HSPH1: variants seen among roughly 807,000 people sequenced by gnomAD.
HSPH1 encodes the protein heat shock protein 105 kDa.
A neutral mutation model predicts 100.0 loss-of-function variants in HSPH1; 40 were observed. That is an observed-to-expected ratio of 0.40 (90% CI 0.31 to 0.52). The LOEUF (loss-of-function observed/expected upper bound fraction) is 0.52, where lower values mean the gene tolerates loss of function less well. Among genes scored for constraint, HSPH1 ranks in the 20% least tolerant of loss-of-function variants. The probability of loss-of-function intolerance (pLI) is 0.54; values close to 1 mark genes in which losing one functional copy is unlikely to be tolerated. For missense variants in HSPH1, 876 were observed against 1,015.1 expected (o/e 0.86, Z 1.86); for synonymous variants, 403 against 344.0 (o/e 1.17, Z -1.90).
Position 31,161,457 on chromosome 13 carries a change from C to G in HSPH1, c.107+19G>C. On this transcript the variant is annotated intron_variant, in intron 1 of 17. Transcript: ENST00000320027. ...GGCCCAGAACCTCCTCCCATCCACC[C>G]TCGCAGACTCCCACTTACGGGGTGC... The G allele has an allele frequency of 6.2e-7, 1 of 1,613,766 alleles. No individual in the cohort carries two copies. Among genetic ancestry groups the G allele is most frequent in the African/African-American group, 1.3e-5 (1 of 75,044 alleles).
chr13:31,141,522 G>A (rs192257128), intron 12 of HSPH1, among the ~76,000 whole-genome samples: 150 of 151,884 alleles, frequency 9.9e-4, no homozygotes, highest in African/African-American at 3.4e-3. Flanking sequence ...GCTTTTCTTC[G>A]CAAGTCTTTA....
rs748889774 is a variant in HSPH1, at chr13:31,148,464, G to A, written c.1154C>T (p.Pro385Leu). The A allele has an allele frequency of 3.9e-6, 6 of 1,534,410 alleles. No homozygotes were observed. Among genetic ancestry groups the A allele is most frequent in the East Asian group, 4.8e-5 (2 of 41,810 alleles). ...GCALQCAILS[P>L]AFKVREFSVT... ...GGAAAATTCTCTAACTTTAAATGCC[G>A]GGGAAAGTATTGCACACTTAAAAAA... The change falls in exon 9 of 18, where the codon CCG becomes CTG. Residue 385 changes from proline to leucine, a missense_variant. Coordinates refer to ENST00000320027, the MANE Select transcript of HSPH1 (RefSeq NM_006644.4).
chr13:31,159,681 G>C (rs999039973), intron 1 of HSPH1, among the ~76,000 whole-genome samples: 14 of 152,158 alleles, frequency 9.2e-5, no homozygotes, highest in African/African-American at 3.1e-4. Context: ...TCTAATTTTG[G>C]GTGAGTTACT....
chr13:31,162,162 A>C (rs761728794), upstream of HSPH1: 1 of 1,413,454 alleles, frequency 7.1e-7, no homozygotes, highest in South Asian at 1.2e-5. Flanking sequence ...CCCTAGCCAC[A>C]GGCGTTTTGC....
rs1285272963 is a variant in HSPH1, at chr13:31,155,527, C to T, written c.293G>A (p.Gly98Glu). ...CAATTATATTACCTTTATTCCAACT[C>T]CACCATTTTTCAATGGAACCAAATC... The part of the protein sequence containing the change: ...SYDLVPLKNG[G>E]VGIKVMYMGE... Residue 98 changes from glycine to glutamate, a missense_variant, in exon 3 of 18, where the codon GGA becomes GAA. By Grantham distance (98) the Gly-to-Glu change is moderately conservative. Transcript: ENST00000320027. 2 of 1,609,780 alleles carry T rather than the reference C, an allele frequency of 1.2e-6. No homozygotes were observed. The highest frequency in any genetic ancestry group is 1.3e-5 in the African/African-American group (1 of 74,754).
At position 31,139,094 on chromosome 13, in the gene HSPH1, A is replaced by T. The variant is rs1259199205; in HGVS notation, c.1994T>A (p.Phe665Tyr). The change falls in exon 15 of 18, where the codon TTT becomes TAT. Residue 665 changes from phenylalanine (F) to tyrosine (Y), a missense_variant. Phe to Tyr is a conservative substitution (Grantham distance 22). Transcript: ENST00000320027. ...KFICEQDHQN[F>Y]LRLLTETEDW... ...TTCAGTTTCTGTGAGGAGTCTCAAAAAATTTTGATGATCCTTAACACAAAA... is the reference window on the plus strand; with the variant it reads ...TTCAGTTTCTGTGAGGAGTCTCAAATAATTTTGATGATCCTTAACACAAAA... 1 of 1,608,018 alleles carries T rather than the reference A, an allele frequency of 6.2e-7. No individual in the cohort carries two copies. The highest frequency in any genetic ancestry group is 8.5e-7 in the Non-Finnish European group (1 of 1,174,700).
chr13:31,140,908 A>T, intron 13 of HSPH1: 1 of 365,292 alleles, frequency 2.7e-6, no homozygotes, highest in Non-Finnish European at 4.8e-6. Context: ...TTTTCACAAG[A>T]ACTCAGCCAA....
intron 11 of HSPH1, 45 bp from the exon 12 acceptor site, chr13:31,143,968 C>A (rs903942090): frequency 6.8e-7 from 1 of 1,468,912 alleles, no homozygotes; most frequent in Admixed American, 2.4e-5. Context: ...AGCAGGTGTA[C>A]TTGTATAAAT....
chr13:31,154,839 T>C, intron 3 of HSPH1, 84 bp from the exon 4 acceptor site: 6 of 1,114,690 alleles, frequency 5.4e-6, no homozygotes, highest in Non-Finnish European at 6.4e-6. Flanking sequence ...TTAGCACACA[T>C]TCCCTTCCAC....
intron 12 of HSPH1, among the ~76,000 whole-genome samples, chr13:31,141,533 C>A (rs1181176280): frequency 1.3e-5 from 2 of 151,976 alleles, no homozygotes; most frequent in African/African-American, 4.8e-5. Flanking sequence ...CAAGTCTTTA[C>A]TTTCTAAGCC....
At chr13:31,150,269 C>T in intron 7 of HSPH1, 87 bp from the exon 8 acceptor site, 1 of 928,862 alleles carries the variant, frequency 1.1e-6, no homozygotes, top group Admixed American at 2.5e-5. Context: ...ATTATTTTCC[C>T]CCTCAGACAC....
At chr13:31,157,193 T>C (rs1168017135) in intron 2 of HSPH1, among the ~76,000 whole-genome samples, 1 of 152,224 alleles carries the variant, frequency 6.6e-6, no homozygotes, top group Non-Finnish European at 1.5e-5. Context: ...AGTAGTATAC[T>C]GGCCAAATAT....
intron 2 of HSPH1, 96 bp downstream of exon 2, chr13:31,158,710 A>G (rs1316430651): frequency 1.3e-6 from 1 of 766,386 alleles, no homozygotes; most frequent in Non-Finnish European, 2.3e-6. Flanking sequence ...AAATACATAA[A>G]CTTAGGCACA....
At position 31,141,106 on chromosome 13, in the gene HSPH1, T is replaced by C; in HGVS notation, c.1854+16A>G. On this transcript the variant is annotated intron_variant, in intron 13 of 17. Coordinates refer to ENST00000320027, the MANE Select transcript of HSPH1 (RefSeq NM_006644.4). ...AAACATATTTCAAAATAAAAATATTTAATTGAAGTACTTACCTCTGTCTCA... is the reference window on the plus strand; with the variant it reads ...AAACATATTTCAAAATAAAAATATTCAATTGAAGTACTTACCTCTGTCTCA... 1 of 1,462,374 alleles carries C rather than the reference T, an allele frequency of 6.8e-7. No homozygotes were observed. Among genetic ancestry groups the C allele is most frequent in the Non-Finnish European group, 9.2e-7 (1 of 1,083,626 alleles). The allele number at this position is 1,462,374 out of a possible 1,614,324, so 90.6% of individuals were successfully genotyped here.
intron 5 of HSPH1, 35 bp downstream of exon 5, chr13:31,152,817 G>A (rs1285548309): frequency 4.6e-6 from 6 of 1,309,826 alleles, no homozygotes; most frequent in Non-Finnish European, 6.6e-6. Context: ...AGTTCTGATA[G>A]TATATTCACT....
In HSPH1 at chr13:31,155,573, C is replaced by T. The variant is rs1379365628; in HGVS notation, c.247G>A (p.Glu83Lys). The T allele has an allele frequency of 1.5e-5, 24 of 1,611,994 alleles. No homozygotes were observed. The highest frequency in any genetic ancestry group is 2.0e-5 in the Non-Finnish European group (23 of 1,178,592). Reference protein sequence around the residue: ...RAFNDPFIQKEKENLSYDLVP... With the variant: ...RAFNDPFIQKKKENLSYDLVP... ...AAATCGTAACTCAAGTTTTCCTTCT[C>T]CTTTTGAATGAAGGGGTCATTGAAT... The change falls in exon 3 of 18, where the codon GAG becomes AAG. Residue 83 changes from glutamate (E) to lysine (K), a missense_variant. Transcript: ENST00000320027.
chr13:31,145,366 C>T (rs1022915656), intron 11 of HSPH1, among the ~76,000 whole-genome samples, 197 bp downstream of exon 11: 1 of 152,150 alleles, frequency 6.6e-6, no homozygotes, highest in African/African-American at 2.4e-5. Context: ...TTAAGTTACA[C>T]AGAATTTAGT....
chr13:31,140,904 C>T, intron 13 of HSPH1: 1 of 357,048 alleles, frequency 2.8e-6, no homozygotes, highest in Non-Finnish European at 5.0e-6. Flanking sequence ...AATTTTTTCA[C>T]AAGAACTCAG....
chr13:31,161,230 G>A (rs1056828365), intron 1 of HSPH1, among the ~76,000 whole-genome samples: 1 of 152,148 alleles, frequency 6.6e-6, no homozygotes, highest in African/African-American at 2.4e-5. Context: ...ACGACCCTTA[G>A]AGTCTCGACT....
Sources: gnomAD v4.1 joint callset for allele counts (sites outside exome capture counted in the v4.1 genomes callset) on GRCh38, gnomAD v4.1.1 for gene constraint, MANE v1.5 for transcripts, NCBI Gene and HGNC (gene_info 2026-07-23, HGNC 2026-07-21) for gene names.